The following NRG1 variants were observed in gnomAD, a reference collection of about 807,000 sequenced individuals.
The protein encoded by NRG1 is pro-neuregulin-1, membrane-bound isoform.
In NRG1, 18 loss-of-function variants were observed where a neutral mutation model predicts 63.8. The observed-to-expected ratio is 0.28, with a 90% CI of 0.19 to 0.42. NRG1 has a LOEUF of 0.42. NRG1 is among the 10% of genes least tolerant of loss of function. The pLI is 1.00. For synonymous variants in NRG1, 302 were observed against 301.3 expected (o/e 1.00, Z -0.02); for missense variants, 762 against 814.7 (o/e 0.94, Z 0.79).
At chr8:32,473,831 G>A (rs5012184) in intron 1 of NRG1, among the ~76,000 whole-genome samples, 1,842 of 152,088 alleles carry the variant, frequency 0.012, 42 homozygotes, top group African/African-American at 0.042. Flanking sequence ...CTACAGGCAC[G>A]CACCATCAGG....
chr8:32,471,522 A>G (rs925198492), intron 1 of NRG1, among the ~76,000 whole-genome samples: 2 of 152,180 alleles, frequency 1.3e-5, no homozygotes, highest in African/African-American at 4.8e-5. Flanking sequence ...TATTTTATTT[A>G]GAAGAATTTC....
At chr8:32,712,470 A>C (rs1818076149) in intron 5 of NRG1, among the ~76,000 whole-genome samples, 1 of 152,208 alleles carries the variant, frequency 6.6e-6, no homozygotes, top group African/African-American at 2.4e-5. Context: ...GCAACTGCGC[A>C]TGCTATTCAA....
At chr8:32,530,162 C>G (rs1350792509) in intron 1 of NRG1, among the ~76,000 whole-genome samples, 1 of 151,732 alleles carries the variant, frequency 6.6e-6, no homozygotes, top group Non-Finnish European at 1.5e-5. Flanking sequence ...GGCTGGAGTG[C>G]AGTGGTGCTA....
intron 1 of NRG1, among the ~76,000 whole-genome samples, chr8:32,357,645 C>T (rs1806621622): frequency 1.3e-5 from 2 of 152,192 alleles, no homozygotes; most frequent in Admixed American, 6.5e-5. Context: ...AAGTAGAAAG[C>T]CTCTCTTTCC....
chr8:32,582,151 G>T (rs938362166), intron 1 of NRG1, among the ~76,000 whole-genome samples: 2 of 147,444 alleles, frequency 1.4e-5, no homozygotes, highest in South Asian at 2.2e-4. Context: ...AGACTGGAGT[G>T]CAGTGGCATG....
chr8:31,689,394 C>A (rs2131114042), intron 1 of NRG1, among the ~76,000 whole-genome samples: 1 of 152,214 alleles, frequency 6.6e-6, no homozygotes, highest in East Asian at 1.9e-4. Flanking sequence ...CGTGGGTAAA[C>A]AATTATAATT....
At chr8:32,331,365 C>CAA (rs35510271) in intron 1 of NRG1, among the ~76,000 whole-genome samples, 53,736 of 115,346 alleles carry the variant, frequency 0.47, 14,387 homozygotes, top group East Asian at 0.72. Context: ...ACAAAAAATA[C>CAA]AAAAAAAAAA....
chr8:31,832,548 C>T (rs899047986), intron 1 of NRG1, among the ~76,000 whole-genome samples: 4 of 152,122 alleles, frequency 2.6e-5, no homozygotes, highest in East Asian at 1.9e-4. Flanking sequence ...CATGAGCCAT[C>T]GTGCCCAACC....
chr8:32,728,582 ATT>A (rs1223246025), intron 6 of NRG1: 1 of 984,652 alleles, frequency 1.0e-6, no homozygotes, highest in Non-Finnish European at 1.2e-6. Flanking sequence ...TTGCATAACT[ATT>A]TTTTAAACGG....
chr8:32,344,232 G>A (rs10503910), intron 1 of NRG1, among the ~76,000 whole-genome samples: 78,560 of 151,658 alleles, frequency 0.52, 21,250 homozygotes, highest in Non-Finnish European at 0.61. Flanking sequence ...CAAGTATTTC[G>A]TTTATGTGCC....
chr8:32,021,546 A>T (rs1044078663), intron 1 of NRG1, among the ~76,000 whole-genome samples: 43 of 152,228 alleles, frequency 2.8e-4, no homozygotes, highest in African/African-American at 9.1e-4. Context: ...CTACCTCCAC[A>T]CTGGGGATCA....
intron 1 of NRG1, among the ~76,000 whole-genome samples, chr8:32,540,186 T>C (rs1365411994): frequency 6.6e-6 from 1 of 151,940 alleles, no homozygotes; most frequent in East Asian, 1.9e-4. Flanking sequence ...ACCGGCAGGA[T>C]AAAGGAAGGA....
At chr8:32,035,980 T>C (rs949077502) in intron 1 of NRG1, among the ~76,000 whole-genome samples, 1 of 152,216 alleles carries the variant, frequency 6.6e-6, no homozygotes, top group African/African-American at 2.4e-5. Context: ...ATTATGATGC[T>C]AGCTGGTTAT....
chr8:32,173,866 C>T (rs559321975), intron 1 of NRG1, among the ~76,000 whole-genome samples: 1 of 152,278 alleles, frequency 6.6e-6, no homozygotes, highest in South Asian at 2.1e-4. Context: ...CAGGAAGAGA[C>T]TTAGACTCCC....
At chr8:31,706,323 CTT>C (rs1283871697) in intron 1 of NRG1, among the ~76,000 whole-genome samples, 2 of 152,050 alleles carry the variant, frequency 1.3e-5, no homozygotes, top group African/African-American at 2.4e-5. Context: ...TATTTTGCCT[CTT>C]GATTTTTTTC....
At chr8:32,390,779 T>G (rs1394536228) in intron 1 of NRG1, among the ~76,000 whole-genome samples, 1 of 152,056 alleles carries the variant, frequency 6.6e-6, no homozygotes, top group Admixed American at 6.6e-5. Flanking sequence ...GACCAGAAGC[T>G]CCTAAAGGAC....
intron 1 of NRG1, among the ~76,000 whole-genome samples, chr8:32,229,948 A>G (rs1167960032): frequency 6.6e-6 from 1 of 152,070 alleles, no homozygotes; most frequent in Non-Finnish European, 1.5e-5. Context: ...CTTCAAGACA[A>G]AGGTTGCAAG....
intron 1 of NRG1, among the ~76,000 whole-genome samples, chr8:32,228,041 C>T (rs2132550812): frequency 6.6e-6 from 1 of 152,278 alleles, no homozygotes; most frequent in South Asian, 2.1e-4. Flanking sequence ...CTTTAACCTC[C>T]ATCATTTGTT....
chr8:32,171,874 G>A (rs957980150), intron 1 of NRG1, among the ~76,000 whole-genome samples: 7 of 152,162 alleles, frequency 4.6e-5, no homozygotes, highest in Admixed American at 2.0e-4. Flanking sequence ...GGAGCCAACC[G>A]CAGCTCAAGG....
Sources: allele counts gnomAD v4.1 joint callset (sites outside exome capture counted in the v4.1 genomes callset), GRCh38; gene constraint gnomAD v4.1.1; transcripts MANE v1.5; gene names NCBI Gene and HGNC (gene_info 2026-07-23, HGNC 2026-07-21).